Variants in POF1B observed in about 807,000 individuals in gnomAD.
POF1B encodes protein POF1B.
Under a neutral mutation model 55.3 loss-of-function variants are expected in POF1B, and 53 were observed. The ratio of observed to expected loss-of-function variants is 0.96; its 90% CI spans 0.77 to 1.20. POF1B has a LOEUF of 1.20. POF1B is among the 50% of genes most tolerant of loss of function. The pLI, the probability that POF1B is intolerant of heterozygous loss-of-function variation, is 0.00. For synonymous variants in POF1B, 188 were observed against 148.3 expected (o/e 1.27, Z -1.95); for missense variants, 478 against 420.5 (o/e 1.14, Z -1.20).
intron 3 of POF1B, among the ~76,000 whole-genome samples, chrX:85,366,536 AT>A (rs1232568811): frequency 8.9e-6 from 1 of 111,848 alleles, no homozygotes; most frequent in Non-Finnish European, 1.9e-5. Flanking sequence ...AGTAAACCCA[AT>A]TTTAAAACCC....
chrX:85,298,192 G>A (rs1383127345), intron 15 of POF1B, among the ~76,000 whole-genome samples: 1 of 112,444 alleles, frequency 8.9e-6, no homozygotes, highest in Non-Finnish European at 1.9e-5. Context: ...GCCTTGTAGG[G>A]ATTGTGGACA....
intron 9 of POF1B, among the ~76,000 whole-genome samples, chrX:85,311,193 C>G (rs1194981431): frequency 3.6e-5 from 4 of 111,267 alleles, no homozygotes; most frequent in Non-Finnish European, 7.6e-5. Flanking sequence ...AGTTTTCCTT[C>G]TTTTCTAGAG....
intron 6 of POF1B, among the ~76,000 whole-genome samples, chrX:85,343,126 C>T (rs1933204559): frequency 9.1e-6 from 1 of 109,405 alleles, no homozygotes; most frequent in Non-Finnish European, 1.9e-5. Context: ...CATCATGGCA[C>T]GTGTATACCT....
At chrX:85,377,863 T>G (rs1371496733) in intron 2 of POF1B, among the ~76,000 whole-genome samples, 1 of 112,069 alleles carries the variant, frequency 8.9e-6, no homozygotes, top group Non-Finnish European at 1.9e-5. Context: ...AATATCTATT[T>G]ATGTTTCTTT....
intron 5 of POF1B, among the ~76,000 whole-genome samples, chrX:85,350,320 G>A (rs1356502470): frequency 1.8e-5 from 2 of 110,183 alleles, no homozygotes; most frequent in African/African-American, 6.6e-5. Flanking sequence ...TACTGAGAAT[G>A]ATGATTTCCA....
At chrX:85,322,080 C>T (rs1343864978) in intron 7 of POF1B, among the ~76,000 whole-genome samples, 95 of 110,724 alleles carry the variant, frequency 8.6e-4, no homozygotes, top group South Asian at 2.3e-3. Context: ...CTTCACAGAA[C>T]TGGAAAAAAC....
chrX:85,288,143 C>G (rs1336829785), intron 15 of POF1B, among the ~76,000 whole-genome samples: 1 of 111,227 alleles, frequency 9.0e-6, no homozygotes, highest in Non-Finnish European at 1.9e-5. Flanking sequence ...GGGAGGACAG[C>G]AAGTAGAAAA....
At chrX:85,279,630 T>C (rs1418388622) in intron 16 of POF1B, among the ~76,000 whole-genome samples, 1 of 110,972 alleles carries the variant, frequency 9.0e-6, no homozygotes, top group African/African-American at 3.3e-5. Flanking sequence ...ATGTTTCAAA[T>C]GACTTTAAGC....
intron 7 of POF1B, among the ~76,000 whole-genome samples, chrX:85,324,503 G>GT (rs777121265): frequency 2.3e-3 from 258 of 110,811 alleles, no homozygotes; most frequent in African/African-American, 7.6e-3. Flanking sequence ...TTTAAAATCT[G>GT]TTTTTTTCTG....
chrX:85,308,458 ATCT>A (rs984148066), intron 9 of POF1B, among the ~76,000 whole-genome samples: 31 of 111,431 alleles, frequency 2.8e-4, no homozygotes, highest in Admixed American at 2.6e-3. Context: ...ATAAAGTATC[ATCT>A]TTGTCACAAA....
intron 6 of POF1B, among the ~76,000 whole-genome samples, chrX:85,335,612 C>T (rs1412341241): frequency 1.8e-5 from 2 of 111,037 alleles, no homozygotes; most frequent in Non-Finnish European, 3.8e-5. Context: ...TGAAAATCCT[C>T]ACTATTATTT....
chrX:85,347,739 A>T (rs1933299345), intron 5 of POF1B, among the ~76,000 whole-genome samples: 1 of 111,702 alleles, frequency 9.0e-6, no homozygotes, highest in Non-Finnish European at 1.9e-5. Context: ...TAAAGGTCAT[A>T]GAATAAGTTC....
At chrX:85,292,545 G>C (rs1743759561) in intron 15 of POF1B, among the ~76,000 whole-genome samples, 1 of 111,837 alleles carries the variant, frequency 8.9e-6, no homozygotes, top group South Asian at 3.7e-4. Flanking sequence ...GTAGAATTCA[G>C]CTGCGAATCT....
At chrX:85,350,337 T>A (rs1273296307) in intron 5 of POF1B, among the ~76,000 whole-genome samples, 1 of 111,157 alleles carries the variant, frequency 9.0e-6, no homozygotes, top group East Asian at 2.9e-4. Context: ...TCCAATTTCA[T>A]CCATGTCCCT....
At chrX:85,312,855 C>A (rs772894315) in intron 9 of POF1B, among the ~76,000 whole-genome samples, 1 of 111,237 alleles carries the variant, frequency 9.0e-6, no homozygotes, top group East Asian at 2.8e-4. Flanking sequence ...TTTCCTTGAA[C>A]AGTGGTTTGT....
At chrX:85,367,829 T>G (rs1220767284) in intron 2 of POF1B, 63 bp from the exon 3 acceptor site, 2 of 716,587 alleles carry the variant, frequency 2.8e-6, no homozygotes, top group African/African-American at 2.3e-5. Flanking sequence ...TCATGGTATT[T>G]TTTCTTTATT....
At position 85,307,209 on chromosome X, in the gene POF1B, T is replaced by C. The variant is rs368560436; in HGVS notation, c.1118A>G (p.Tyr373Cys). Residue 373 changes from tyrosine to cysteine, a missense_variant, in exon 11 of 17, where the codon TAC (tyrosine) becomes TGC (cysteine). By Grantham distance (194) the Tyr-to-Cys change is radical. Coordinates refer to ENST00000262753, the MANE Select transcript of POF1B (RefSeq NM_024921.4). ...TCTCACTGATGCCAAGAGTTCTTCG[T>C]ACTCTTTTAATTGAGTGTCTTTGAA... ...LSFKDTQLKE[Y>C]EELLASVRAN... The C allele has an allele frequency of 5.0e-6, 6 of 1,206,173 alleles. No homozygotes were observed. In the African/African-American group the frequency reaches 7.0e-5, roughly 14 times the overall value.
At chrX:85,359,981 TA>T (rs1291956355) in intron 3 of POF1B, among the ~76,000 whole-genome samples, 1 of 109,505 alleles carries the variant, frequency 9.1e-6, no homozygotes, top group African/African-American at 3.3e-5. Flanking sequence ...AAAGACATGT[TA>T]AAAAAAATGA....
chrX:85,322,085 A>C (rs979114229), intron 7 of POF1B, among the ~76,000 whole-genome samples: 8 of 111,403 alleles, frequency 7.2e-5, no homozygotes, highest in African/African-American at 2.6e-4. Flanking sequence ...CAGAACTGGA[A>C]AAAACTACTT....
Sources: allele counts gnomAD v4.1 joint callset (sites outside exome capture counted in the v4.1 genomes callset), GRCh38; gene constraint gnomAD v4.1.1; transcripts MANE v1.5; gene names NCBI Gene and HGNC (gene_info 2026-07-23, HGNC 2026-07-21).